SLIT3: variants seen among roughly 807,000 people sequenced by gnomAD.
The protein encoded by SLIT3 is slit guidance ligand 3, also known as slit homolog 3 protein.
SLIT3 carries 68 observed loss-of-function variants against 184.0 expected under a neutral mutation model. The observed-to-expected ratio is 0.37, with a 90% CI of 0.30 to 0.45. The LOEUF is 0.45. Among genes scored for constraint, SLIT3 ranks in the 20% least tolerant of loss-of-function variants. The pLI, the probability that SLIT3 is intolerant of heterozygous loss-of-function variation, is 1.00. For missense variants in SLIT3, 1,707 were observed against 2,026.0 expected, an observed-to-expected ratio of 0.84 and a Z score of 3.02; for synonymous variants, 831 against 828.6, an observed-to-expected ratio of 1.00 and a Z score of -0.05.
chr5:168,971,195 C>T (rs55951240), intron 4 of SLIT3, among the ~76,000 whole-genome samples: 1 of 152,294 alleles, frequency 6.6e-6, no homozygotes, highest in African/African-American at 2.4e-5. Flanking sequence ...CATCTAGTGA[C>T]CATTGCCCTA....
chr5:169,094,631 A>G (rs1056147091), intron 4 of SLIT3, among the ~76,000 whole-genome samples: 3 of 152,108 alleles, frequency 2.0e-5, no homozygotes, highest in African/African-American at 7.2e-5. Flanking sequence ...CTCAGTCTCA[A>G]AAAAAAATTA....
chr5:168,684,077 T>C lies in SLIT3; in HGVS notation c.3575A>G (p.Asn1192Ser). 6.2e-7 allele frequency: 1 copy of C among 1,602,530 alleles called. No homozygotes were observed. Among genetic ancestry groups the C allele is most frequent in the Non-Finnish European group, 8.5e-7 (1 of 1,173,872 alleles). ...GTCTCCTTTGTAGAGAAGGATGCCGTTGTCCTTGTCAGTGGCCACCTGGAG... is the reference window on the plus strand; with the variant it reads ...GTCTCCTTTGTAGAGAAGGATGCCGCTGTCCTTGTCAGTGGCCACCTGGAG... ...ISLQVATDKD[N>S]GILLYKGDND... The change falls in exon 32 of 36, where the codon AAC (asparagine) becomes AGC (serine). Residue 1192 changes from asparagine to serine, a missense_variant. This residue lies in a region of SLIT3 where 387 missense variants were observed against 477.9 expected (regional missense o/e 0.81). Coordinates refer to ENST00000519560, the MANE Select transcript of SLIT3 (RefSeq NM_003062.4).
chr5:168,793,626 T>C (rs1054457399), intron 10 of SLIT3, among the ~76,000 whole-genome samples: 2 of 152,162 alleles, frequency 1.3e-5, no homozygotes, highest in Admixed American at 6.5e-5. Flanking sequence ...GTCCAATAGG[T>C]TGGAGAAGGA....
At chr5:168,847,209 TGTGGG>T (rs1220184263) in intron 5 of SLIT3, among the ~76,000 whole-genome samples, 12 of 152,266 alleles carry the variant, frequency 7.9e-5, no homozygotes, top group Non-Finnish European at 1.6e-4. Context: ...TAAGCATCTC[TGTGGG>T]TGTATTTTAT....
intron 3 of SLIT3, among the ~76,000 whole-genome samples, chr5:169,194,157 C>G (rs1460846819): frequency 7.2e-6 from 1 of 138,870 alleles, no homozygotes; most frequent in Non-Finnish European, 1.5e-5. Flanking sequence ...ATCGCTTGAA[C>G]CCAGGAGGCA....
chr5:169,061,613 CTG>C (rs1228751998), intron 4 of SLIT3, among the ~76,000 whole-genome samples: 1 of 152,228 alleles, frequency 6.6e-6, no homozygotes, highest in African/African-American at 2.4e-5. Context: ...AGGGCTCTAA[CTG>C]AGCCATGCCC....
chr5:169,143,849 A>C (rs550827992), intron 4 of SLIT3, among the ~76,000 whole-genome samples: 3 of 152,272 alleles, frequency 2.0e-5, no homozygotes, highest in African/African-American at 7.2e-5. Flanking sequence ...TGCATGCATT[A>C]ATATATATCA....
intron 9 of SLIT3, among the ~76,000 whole-genome samples, chr5:168,805,369 AC>A: frequency 6.6e-6 from 1 of 152,160 alleles, no homozygotes; most frequent in East Asian, 1.9e-4. Flanking sequence ...GGGGGAGATT[AC>A]GACAAAGCAG....
At chr5:168,914,749 TGGG>T (rs554536908) in intron 4 of SLIT3, among the ~76,000 whole-genome samples, 3,593 of 152,254 alleles carry the variant, frequency 0.024, 54 homozygotes, top group Middle Eastern at 0.068. Context: ...TGATTGGACT[TGGG>T]GCTACAAACT....
At chr5:168,969,503 T>G (rs1410468968) in intron 4 of SLIT3, among the ~76,000 whole-genome samples, 3 of 152,218 alleles carry the variant, frequency 2.0e-5, no homozygotes, top group Non-Finnish European at 4.4e-5. Flanking sequence ...TTGTTTTTGT[T>G]TTTCTCCTGT....
At chr5:168,755,113 G>A (rs529365203) in intron 16 of SLIT3, among the ~76,000 whole-genome samples, 1 of 152,128 alleles carries the variant, frequency 6.6e-6, no homozygotes, top group African/African-American at 2.4e-5. Flanking sequence ...CCCTCAAAAC[G>A]ATGGCTGTCG....
intron 28 of SLIT3, among the ~76,000 whole-genome samples, chr5:168,692,906 C>T (rs527859358): frequency 4.8e-4 from 73 of 152,322 alleles, no homozygotes; most frequent in Admixed American, 3.1e-3. Context: ...GCAGTGACCA[C>T]GGGAAGATTC....
At chr5:169,022,758 G>A (rs1756650938) in intron 4 of SLIT3, 1 of 152,126 alleles carries the variant, frequency 6.6e-6, no homozygotes, top group South Asian at 2.1e-4. Flanking sequence ...AACTCTGCGT[G>A]AGAACAAGTG....
chr5:168,932,074 T>C (rs759044248), intron 4 of SLIT3, among the ~76,000 whole-genome samples: 16 of 152,100 alleles, frequency 1.1e-4, no homozygotes, highest in Non-Finnish European at 1.2e-4. Flanking sequence ...ATTAAGACCA[T>C]GCTTTATCAC....
intron 1 of SLIT3, among the ~76,000 whole-genome samples, chr5:169,261,336 C>T (rs967408188): frequency 9.9e-5 from 15 of 151,962 alleles, no homozygotes; most frequent in Non-Finnish European, 4.4e-5. Context: ...AAAAAAAAAC[C>T]CCAGCATGTA....
At chr5:169,174,644 C>A (rs541117909) in intron 4 of SLIT3, among the ~76,000 whole-genome samples, 2 of 152,138 alleles carry the variant, frequency 1.3e-5, no homozygotes, top group South Asian at 2.1e-4. Context: ...TAGTACAGTA[C>A]AAAACACTGC....
intron 4 of SLIT3, among the ~76,000 whole-genome samples, chr5:169,148,901 A>G (rs982219122): frequency 1.3e-5 from 2 of 152,084 alleles, no homozygotes; most frequent in African/African-American, 4.8e-5. Context: ...AAAAATCACA[A>G]TACCTGCCAT....
intron 3 of SLIT3, among the ~76,000 whole-genome samples, chr5:169,205,847 A>T (rs566891539): frequency 1.3e-5 from 2 of 152,376 alleles, no homozygotes; most frequent in East Asian, 3.9e-4. Context: ...CAGTAGCACA[A>T]ATCAAACACT....
intron 4 of SLIT3, among the ~76,000 whole-genome samples, chr5:169,014,250 T>C (rs896418088): frequency 6.6e-6 from 1 of 152,196 alleles, no homozygotes. Context: ...TCTGGTAGTA[T>C]CACCTGCCTT....
Sources: allele counts gnomAD v4.1 joint callset (sites outside exome capture counted in the v4.1 genomes callset), GRCh38; gene constraint gnomAD v4.1.1; regional missense constraint gnomAD v4.1.1; transcripts MANE v1.5; gene names NCBI Gene and HGNC (gene_info 2026-07-23, HGNC 2026-07-21).